The following SLMAP variants were observed in gnomAD, a reference collection of about 807,000 sequenced individuals.
SLMAP encodes sarcolemmal membrane-associated protein.
SLMAP carries 44 observed loss-of-function variants against 128.8 expected under a neutral mutation model. That is an observed-to-expected ratio of 0.34 (90% CI 0.27 to 0.44). The LOEUF is 0.44. SLMAP is among the 20% of genes least tolerant of loss of function. SLMAP has a pLI of 1.00. For missense variants in SLMAP, 787 were observed against 985.3 expected (o/e 0.80, Z 2.69); for synonymous variants, 327 against 348.8 (o/e 0.94, Z 0.70).
intron 13 of SLMAP, among the ~76,000 whole-genome samples, chr3:57,868,977 T>G (rs969777824): frequency 1.4e-5 from 2 of 139,020 alleles, no homozygotes; most frequent in Non-Finnish European, 3.0e-5. Context: ...GTATTATATA[T>G]AATATATATT....
rs767684114 is a variant in SLMAP at position 57,828,407 on chromosome 3, C to A, written c.199-2976C>A. On this transcript the variant is annotated intron_variant, in intron 2 of 24. Coordinates refer to ENST00000671191, the MANE Select transcript of SLMAP (RefSeq NM_001377540.1). ...GTCAATCTTTCAAAACAGCCAAGGG[C>A]AAAAGGTTAAATTATATAAATGAAA... Among the ~76,000 whole-genome samples, 63 of 151,862 alleles carry A rather than the reference C, an allele frequency of 4.1e-4. 1 individual carries two copies. In the Middle Eastern group the frequency reaches 0.024, roughly 57 times the overall value.
Position 57,798,928 on chromosome 3 carries a change from T to A in SLMAP, c.199-32455T>A, listed in dbSNP as rs898822695. Among the ~76,000 whole-genome samples the A allele has an allele frequency of 2.0e-5, 3 of 152,312 alleles. No individual in the cohort carries two copies. The South Asian group carries it at 6.2e-4, about 32-fold the overall frequency. On this transcript the variant is annotated intron_variant, in intron 2 of 24. Coordinates refer to ENST00000671191, the MANE Select transcript of SLMAP (RefSeq NM_001377540.1). ...AGTCACTCTAGAGTACTTCACTCAG[T>A]TTATAGTTGCAGTCATAATAAAAAT...
At chr3:57,872,919 A>G (rs2095516226) in intron 14 of SLMAP, among the ~76,000 whole-genome samples, 1 of 152,104 alleles carries the variant, frequency 6.6e-6, no homozygotes, top group Admixed American at 6.6e-5. Flanking sequence ...TTTTATGCTC[A>G]TAATTTCATT....
At chr3:57,917,264 C>T in intron 22 of SLMAP, 187 bp downstream of exon 22, 1 of 1,424,570 alleles carries the variant, frequency 7.0e-7, no homozygotes, top group Non-Finnish European at 9.3e-7. Flanking sequence ...GAGAATTCTT[C>T]AGTAGGGTTG....
intron 2 of SLMAP, among the ~76,000 whole-genome samples, chr3:57,823,189 T>G (rs6765501): frequency 0.087 from 13,214 of 152,134 alleles, 1,930 homozygotes; most frequent in African/African-American, 0.3. Flanking sequence ...AACTTTATCT[T>G]TTTTTTTCTG....
rs2095104512 is a variant in SLMAP at position 57,862,234 on chromosome 3, C to T, written c.966+148C>T. 4.7e-6 allele frequency: 3 copies of T among 639,776 alleles called. 1 individual carries two copies. The highest frequency in any genetic ancestry group is 2.8e-5 in the East Asian group (1 of 35,142). 39.6% of individuals were successfully genotyped at this position (639,776 alleles called of 1,614,324 possible). A position where few individuals can be genotyped will look rare whatever the true frequency, so the allele number is the denominator to read the frequency against. On this transcript the variant is annotated intron_variant, in intron 10 of 24. Coordinates refer to ENST00000671191, the MANE Select transcript of SLMAP (RefSeq NM_001377540.1). Reference sequence around the variant, plus strand: ...TCAGGAGGCTGAGGTAGGAGAATTGCTTGAACCCAGGAGACGGAGGTTGCA... The same window carrying T: ...TCAGGAGGCTGAGGTAGGAGAATTGTTTGAACCCAGGAGACGGAGGTTGCA...
intron 10 of SLMAP, among the ~76,000 whole-genome samples, chr3:57,863,993 T>C (rs1022998300): frequency 2.0e-5 from 3 of 152,212 alleles, no homozygotes; most frequent in African/African-American, 7.2e-5. Flanking sequence ...CCTTTACCTC[T>C]GTGTGTACTG....
At chr3:57,853,767 C>T (rs2094590815) in intron 6 of SLMAP, among the ~76,000 whole-genome samples, 1 of 150,330 alleles carries the variant, frequency 6.7e-6, no homozygotes, top group African/African-American at 2.5e-5. Context: ...ATGGAGAAAC[C>T]CCCGTCTCTA....
intron 2 of SLMAP, among the ~76,000 whole-genome samples, chr3:57,810,516 A>G (rs944111838): frequency 3.3e-5 from 5 of 152,160 alleles, no homozygotes; most frequent in African/African-American, 4.8e-5. Flanking sequence ...CACTTTCTCT[A>G]TTAGCATTGC....
chr3:57,788,560 G>C (rs1034025837), intron 2 of SLMAP, among the ~76,000 whole-genome samples: 1 of 152,168 alleles, frequency 6.6e-6, no homozygotes, highest in African/African-American at 2.4e-5. Context: ...TAGAGGCTGG[G>C]GAAGAACCCT....
At chr3:57,766,113 C>G (rs1576121383) in intron 2 of SLMAP, among the ~76,000 whole-genome samples, 1 of 148,922 alleles carries the variant, frequency 6.7e-6, no homozygotes, top group African/African-American at 2.5e-5. Flanking sequence ...ATTCTCCTGT[C>G]TCAGCCTCCT....
At chr3:57,783,750 C>T (rs1212064129) in intron 2 of SLMAP, among the ~76,000 whole-genome samples, 1 of 152,190 alleles carries the variant, frequency 6.6e-6, no homozygotes, top group East Asian at 1.9e-4. Context: ...GAGAATGACT[C>T]TGAAGCCATT....
intron 3 of SLMAP, among the ~76,000 whole-genome samples, chr3:57,835,820 C>A (rs1353060554): frequency 2.0e-5 from 3 of 152,114 alleles, no homozygotes; most frequent in African/African-American, 4.8e-5. Context: ...TTATCTCAAG[C>A]AAACTGTCGA....
At chr3:57,775,806 C>G (rs960807549) in intron 2 of SLMAP, among the ~76,000 whole-genome samples, 5 of 152,046 alleles carry the variant, frequency 3.3e-5, no homozygotes, top group African/African-American at 9.7e-5. Context: ...TTCAAGTGAT[C>G]TATTGCCTGA....
At chr3:57,878,277 T>C (rs1003967826) in intron 14 of SLMAP, among the ~76,000 whole-genome samples, 1 of 152,242 alleles carries the variant, frequency 6.6e-6, no homozygotes, top group African/African-American at 2.4e-5. Flanking sequence ...GTCTGTATTA[T>C]TAAAACTGGG....
chr3:57,797,484 CAAA>C (rs778103840), intron 2 of SLMAP, among the ~76,000 whole-genome samples: 2 of 90,158 alleles, frequency 2.2e-5, no homozygotes. Context: ...AACTCCATCT[CAAA>C]AAAAAAAAAA....
chr3:57,860,849 TCA>T lies in SLMAP; in HGVS notation c.828+11_828+12del, dbSNP rs1491469699. ...ACTTTCAGAAGTTGAGGTATTTCAA[TCA>T]AAAAAAAAATACTAAATAGTATTAT... On this transcript the variant is annotated intron_variant, in intron 9 of 24. Transcript: ENST00000671191. 6.8e-6 allele frequency: 10 copies of T among 1,471,550 alleles called. No individual in the cohort carries two copies. Among genetic ancestry groups the T allele is most frequent in the Admixed American group, 6.8e-5 (3 of 44,408 alleles). The allele number at this position is 1,471,550 out of a possible 1,614,324, so 91.2% of individuals were successfully genotyped here.
At chr3:57,921,352 C>T (rs2096914387) in intron 22 of SLMAP, among the ~76,000 whole-genome samples, 1 of 151,930 alleles carries the variant, frequency 6.6e-6, no homozygotes. Flanking sequence ...ACAGGCGGGG[C>T]ACGGTGGCTC....
At chr3:57,780,115 G>T in intron 2 of SLMAP, among the ~76,000 whole-genome samples, 2 of 150,294 alleles carry the variant, frequency 1.3e-5, no homozygotes. Flanking sequence ...CACTATTAAT[G>T]TTCCCTTTTT....
Sources: allele counts gnomAD v4.1 joint callset (sites outside exome capture counted in the v4.1 genomes callset), GRCh38; gene constraint gnomAD v4.1.1; transcripts MANE v1.5; gene names NCBI Gene and HGNC (gene_info 2026-07-23, HGNC 2026-07-21).